The following ZNF70 variants were observed in gnomAD, a reference collection of about 807,000 sequenced individuals.
ZNF70 encodes the protein zinc finger protein N27C7-1.
A neutral mutation model predicts 37.7 loss-of-function variants in ZNF70; 18 were observed. The ratio of observed to expected loss-of-function variants is 0.48; its 90% CI spans 0.33 to 0.71. The LOEUF is 0.71. Ranked by LOEUF, ZNF70 falls within the 30% of genes least tolerant of loss-of-function variation. The pLI, the probability that ZNF70 is intolerant of heterozygous loss-of-function variation, is 0.02. For synonymous variants in ZNF70, 219 were observed against 220.1 expected (o/e 0.99, Z 0.05); for missense variants, 506 against 568.6 (o/e 0.89, Z 1.12).
In ZNF70 at chr22:23,738,720, C is replaced by T. The variant is rs551923188; in HGVS notation, c.*5080G>A. ...ATACTTATTTATTGATAATTCATAC[C>T]CTGCCTATTTCTCAAAAATGACTTG... On this transcript the variant is annotated 3_prime_UTR_variant, in exon 2 of 2. Coordinates refer to ENST00000341976, the MANE Select transcript of ZNF70 (RefSeq NM_021916.4). The T allele has an allele frequency of 5.9e-5, 9 of 152,090 alleles. No individual in the cohort carries two copies. Among genetic ancestry groups the T allele is most frequent in the African/African-American group, 2.2e-4 (9 of 41,482 alleles). 9.4% of individuals were successfully genotyped at this position (152,090 alleles called of 1,614,324 possible).
chr22:23,743,378 T>A lies in ZNF70; in HGVS notation c.*422A>T, dbSNP rs181932140. Reference sequence around the variant, plus strand: ...TTGGACTGTGAGTGTGGTTTCTGTCTTCTAAAAGTGCCAGACTGCAGCCTG... The same window carrying A: ...TTGGACTGTGAGTGTGGTTTCTGTCATCTAAAAGTGCCAGACTGCAGCCTG... On this transcript the variant is annotated 3_prime_UTR_variant, in exon 2 of 2. Coordinates refer to ENST00000341976, the MANE Select transcript of ZNF70 (RefSeq NM_021916.4). 79 of 175,832 alleles carry A rather than the reference T, an allele frequency of 4.5e-4. No individual in the cohort carries two copies. The highest frequency in any genetic ancestry group is 2.8e-3 in the Middle Eastern group (1 of 352). 10.9% of individuals were successfully genotyped at this position (175,832 alleles called of 1,614,324 possible).
chr22:23,750,182 A>G (rs960790061), intron 1 of ZNF70, among the ~76,000 whole-genome samples: 2 of 151,720 alleles, frequency 1.3e-5, no homozygotes, highest in African/African-American at 4.8e-5. Flanking sequence ...TCACCTTCCC[A>G]CCCCATCTGG....
In ZNF70 at chr22:23,744,806, G is replaced by A. The variant is rs749818052; in HGVS notation, c.335C>T (p.Pro112Leu). The part of the protein sequence containing the change: ...SMCQIIHSEE[P>L]SPCDCAETDR... ...TGTTTCTGCACAATCGCATGGACTG[G>A]GCTCTTCACTGTGGATTATCTGACA... Residue 112 changes from proline to leucine, a missense_variant, in exon 2 of 2, where the codon CCC (proline) becomes CTC (leucine). By Grantham distance (98) the Pro-to-Leu change is moderately conservative. Transcript: ENST00000341976. 21 of 1,614,190 alleles carry A rather than the reference G, an allele frequency of 1.3e-5. No individual in the cohort carries two copies. Among genetic ancestry groups the A allele is most frequent in the Non-Finnish European group, 1.6e-5 (19 of 1,180,034 alleles).
chr22:23,749,366 A>G (rs1394543552), intron 1 of ZNF70, among the ~76,000 whole-genome samples: 2 of 135,764 alleles, frequency 1.5e-5, no homozygotes, highest in Admixed American at 7.3e-5. Flanking sequence ...AAAAAAAAAA[A>G]AAAAAAAAAA....
chr22:23,745,191 C>T lies in ZNF70; in HGVS notation c.-51G>A, dbSNP rs1925080240. 6.4e-7 allele frequency: 1 copy of T among 1,558,354 alleles called. No individual in the cohort carries two copies. The highest frequency in any genetic ancestry group is 1.4e-5 in the African/African-American group (1 of 72,982). On this transcript the variant is annotated 5_prime_UTR_variant, in exon 2 of 2. Coordinates refer to ENST00000341976, the MANE Select transcript of ZNF70 (RefSeq NM_021916.4). Reference sequence around the variant, plus strand: ...GTTGTATTTCTTTAAAAATGTTCTTCTTTGGGCCACACTTACTGTTCTCAC... The same window carrying T: ...GTTGTATTTCTTTAAAAATGTTCTTTTTTGGGCCACACTTACTGTTCTCAC...
chr22:23,748,131 T>G, intron 1 of ZNF70, among the ~76,000 whole-genome samples: 1 of 149,632 alleles, frequency 6.7e-6, no homozygotes, highest in South Asian at 2.1e-4. Context: ...TTCACAACTC[T>G]ATACAAAGGC....
At chr22:23,748,194 AAACT>A in intron 1 of ZNF70, among the ~76,000 whole-genome samples, 2 of 152,184 alleles carry the variant, frequency 1.3e-5, no homozygotes, top group African/African-American at 4.8e-5. Context: ...AAAAAAAAAA[AAACT>A]AAATTAATCA....
rs748693147 is a variant in ZNF70, at chr22:23,743,979, C to T, written c.1162G>A (p.Gly388Ser). 1.3e-5 allele frequency: 21 copies of T among 1,614,062 alleles called. No homozygotes were observed. The highest frequency in any genetic ancestry group is 1.6e-4 in the Middle Eastern group (1 of 6,084). The change falls in exon 2 of 2, where the codon GGC (glycine) becomes AGC (serine). Residue 388 changes from glycine (G) to serine (S), a missense_variant. By Grantham distance (56) the Gly-to-Ser change is moderately conservative. Coordinates refer to ENST00000341976, the MANE Select transcript of ZNF70 (RefSeq NM_021916.4). ...CACTCGCAGGTGTAGGGCTTCTTGC[C>T]GGTGTGGATTCTCTGGTGCTGGATC... ...ALIQHQRIHT[G>S]KKPYTCECGK...
chr22:23,747,838 T>TAAATAA (rs1925182567), intron 1 of ZNF70, among the ~76,000 whole-genome samples: 2 of 151,452 alleles, frequency 1.3e-5, no homozygotes, highest in South Asian at 4.2e-4. Context: ...AATAAATAAA[T>TAAATAA]AAATAAAAAT....
At position 23,745,149 on chromosome 22, in the gene ZNF70, T is replaced by C; in HGVS notation, c.-9A>G. The C allele has an allele frequency of 6.2e-7, 1 of 1,608,832 alleles. No homozygotes were observed. The highest frequency in any genetic ancestry group is 8.5e-7 in the Non-Finnish European group (1 of 1,176,318). On this transcript the variant is annotated 5_prime_UTR_variant, in exon 2 of 2. Transcript: ENST00000341976. ...GCTGGGGGAACCTCCATTGTGAATC[T>C]GCTATCATCCCCAATGGTTGTATTT... is the stretch of plus-strand genomic sequence containing the variant.
At position 23,744,857 on chromosome 22, in the gene ZNF70, A is replaced by C; in HGVS notation, c.284T>G (p.Phe95Cys). Residue 95 changes from phenylalanine to cysteine, a missense_variant, in exon 2 of 2, where the codon TTC (phenylalanine) becomes TGC (cysteine). Physicochemically the swap from Phe to Cys is radical, Grantham distance 205. Transcript: ENST00000341976. The part of the protein sequence containing the change: ...PQDDELFGQT[F>C]LQKSDLSMCQ... ...CATGCTGAGGTCGGATTTCTGGAGGAAGGTTTGTCCGAAGAGCTCATCATC... is the reference window on the plus strand; with the variant it reads ...CATGCTGAGGTCGGATTTCTGGAGGCAGGTTTGTCCGAAGAGCTCATCATC... 6.2e-7 allele frequency: 1 copy of C among 1,614,064 alleles called. No individual in the cohort carries two copies. Among genetic ancestry groups the C allele is most frequent in the South Asian group, 1.1e-5 (1 of 91,074 alleles).
At chr22:23,748,545 G>A (rs1016488444) in intron 1 of ZNF70, among the ~76,000 whole-genome samples, 1 of 142,944 alleles carries the variant, frequency 7.0e-6, no homozygotes, top group Non-Finnish European at 1.5e-5. Flanking sequence ...CAGCAGAAAT[G>A]ATTTTTTTTT....
chr22:23,749,110 C>T (rs1283039797), intron 1 of ZNF70, among the ~76,000 whole-genome samples: 2 of 151,532 alleles, frequency 1.3e-5, no homozygotes, highest in Admixed American at 6.6e-5. Context: ...CGCCTCTAAT[C>T]CCAGCACTTT....
In ZNF70 at chr22:23,743,905, G is replaced by A; in HGVS notation, c.1236C>T (p.Thr412=). The A allele has an allele frequency of 1.9e-6, 3 of 1,613,138 alleles. No homozygotes were observed. The highest frequency in any genetic ancestry group is 2.5e-6 in the Non-Finnish European group (3 of 1,179,098). Residue 412 remains threonine (T), a synonymous_variant, in exon 2 of 2, where the codon ACC becomes ACT. Transcript: ENST00000341976. ...ACACGTAGGGCTTCTCTCTGGTGTG[G>A]GTTTTATAGTGCTCAATGAGGGCTG... ...HRSALIEHYK[T]HTREKPYVCN...
Position 23,743,888 on chromosome 22 carries a change from G to A in ZNF70, c.1253C>T (p.Pro418Leu). Residue 418 changes from proline to leucine, a missense_variant, in exon 2 of 2, where the codon CCC (proline) becomes CTC (leucine). Coordinates refer to ENST00000341976, the MANE Select transcript of ZNF70 (RefSeq NM_021916.4). ...EHYKTHTREK[P>L]YVCNLCGKSF... ...CTTGCCGCACAGATTGCACACGTAG[G>A]GCTTCTCTCTGGTGTGGGTTTTATA... is the stretch of plus-strand genomic sequence containing the variant. 1 of 1,613,006 alleles carries A rather than the reference G, an allele frequency of 6.2e-7. No individual in the cohort carries two copies. The highest frequency in any genetic ancestry group is 2.2e-5 in the East Asian group (1 of 44,874).
Position 23,739,420 on chromosome 22 carries a change from C to G in ZNF70, c.*4380G>C, listed in dbSNP as rs986442652. The G allele has an allele frequency of 2.0e-5, 3 of 151,770 alleles. No homozygotes were observed. The highest frequency in any genetic ancestry group is 7.3e-5 in the African/African-American group (3 of 41,280). The allele number at this position is 151,770 out of a possible 1,614,324, so 9.4% of individuals were successfully genotyped here. ...CCTCCCAAGTAGCTGGGACTACAGG[C>G]GCACAGCTGCCTGTAGCCACCACGC... On this transcript the variant is annotated 3_prime_UTR_variant, in exon 2 of 2. Transcript: ENST00000341976.
chr22:23,748,692 C>T (rs1400447355), intron 1 of ZNF70, among the ~76,000 whole-genome samples: 1 of 151,428 alleles, frequency 6.6e-6, no homozygotes, highest in East Asian at 2.0e-4. Context: ...TTACAGGCAC[C>T]CGCCACCAGG....
Position 23,745,090 on chromosome 22 carries a change from G to A in ZNF70, c.51C>T (p.Asn17=), listed in dbSNP as rs139526568. ...TKFGETFAFE[N]RLESQQGLFP... ...AAAGCCCTTGTTGTGACTCTAACCT[G>A]TTCTCAAATGCAAAGGTCTCACCAA... Residue 17 remains asparagine (N), a synonymous_variant, in exon 2 of 2, where the codon AAC becomes AAT. Transcript: ENST00000341976. The A allele has an allele frequency of 8.7e-6, 14 of 1,613,998 alleles. No individual in the cohort carries two copies. In the African/African-American group the frequency reaches 1.9e-4, roughly 22 times the overall value.
intron 1 of ZNF70, among the ~76,000 whole-genome samples, chr22:23,747,520 C>T (rs1015018228): frequency 6.6e-6 from 1 of 152,094 alleles, no homozygotes; most frequent in African/African-American, 2.4e-5. Flanking sequence ...GATCACTGGT[C>T]TAGGAGACAT....
Sources: gnomAD v4.1 joint callset for allele counts (sites outside exome capture counted in the v4.1 genomes callset) on GRCh38, gnomAD v4.1.1 for gene constraint, MANE v1.5 for transcripts, NCBI Gene and HGNC (gene_info 2026-07-23, HGNC 2026-07-21) for gene names.